APBA2: variants seen among roughly 807,000 people sequenced by gnomAD.
The protein encoded by APBA2 is amyloid-beta A4 precursor protein-binding family A member 2.
Under a neutral mutation model 75.0 loss-of-function variants are expected in APBA2, and 30 were observed. The ratio of observed to expected loss-of-function variants is 0.40; its 90% CI spans 0.30 to 0.54. The LOEUF is 0.54. APBA2 is among the 20% of genes least tolerant of loss of function. The pLI is 0.49. For missense variants in APBA2, 801 were observed against 1,016.1 expected (o/e 0.79, Z 2.88); for synonymous variants, 444 against 409.6 (o/e 1.08, Z -1.01).
intron 3 of APBA2, among the ~76,000 whole-genome samples, chr15:29,007,638 C>G (rs1291249308): frequency 2.6e-5 from 4 of 152,088 alleles, no homozygotes; most frequent in Non-Finnish European, 5.9e-5. Flanking sequence ...CTCAGCATCA[C>G]AAATCGTTAG....
chr15:29,101,723 C>T lies in APBA2; in HGVS notation c.1463C>T (p.Pro488Leu), dbSNP rs1346218459. The T allele has an allele frequency of 6.2e-7, 1 of 1,613,710 alleles. No individual in the cohort carries two copies. Among genetic ancestry groups the T allele is most frequent in the Non-Finnish European group, 8.5e-7 (1 of 1,180,046 alleles). The change falls in exon 10 of 15, where the codon CCC (proline) becomes CTC (leucine). Residue 488 changes from proline (P) to leucine (L), a missense_variant. Physicochemically the swap from Pro to Leu is moderately conservative, Grantham distance 98. Around this residue, in one of 2 missense-constraint regions of APBA2, gnomAD observed 367 missense variants for 544.5 expected, o/e 0.67. Coordinates refer to ENST00000683413, the MANE Select transcript of APBA2 (RefSeq NM_001353788.2). ...TCTCAGGACTGCATCGAGACCACGC[C>T]CGGGGCCCAGGAAGGCAAGAAGCAG... Reference protein sequence around the residue: ...SASQDCIETTPGAQEGKKQYK... With the variant: ...SASQDCIETTLGAQEGKKQYK...
intron 2 of APBA2, among the ~76,000 whole-genome samples, chr15:28,938,570 G>C (rs550893163): frequency 6.6e-6 from 1 of 152,286 alleles, no homozygotes; most frequent in Non-Finnish European, 1.5e-5. Flanking sequence ...GTGCAGGGGT[G>C]CAATCTTGGC....
intron 3 of APBA2, among the ~76,000 whole-genome samples, chr15:29,018,988 C>T (rs2039814493): frequency 6.6e-6 from 1 of 152,170 alleles, no homozygotes. Context: ...GCAGTAGAGA[C>T]TGGGGCATAG....
At chr15:28,950,670 T>C (rs929869413) in intron 2 of APBA2, among the ~76,000 whole-genome samples, 1 of 151,988 alleles carries the variant, frequency 6.6e-6, no homozygotes, top group Non-Finnish European at 1.5e-5. Context: ...CCACCTTCTT[T>C]CCATAGTCCT....
At chr15:28,929,677 C>T (rs976771355) in intron 2 of APBA2, among the ~76,000 whole-genome samples, 4 of 152,134 alleles carry the variant, frequency 2.6e-5, no homozygotes, top group African/African-American at 4.8e-5. Context: ...CATACCTGTC[C>T]CCCATTCTCA....
chr15:29,109,700 A>G (rs952060473), intron 13 of APBA2, among the ~76,000 whole-genome samples: 7 of 152,180 alleles, frequency 4.6e-5, no homozygotes, highest in African/African-American at 1.7e-4. Flanking sequence ...GCCCAGAACG[A>G]AGAGGGACAG....
intron 4 of APBA2, among the ~76,000 whole-genome samples, chr15:29,056,235 A>G (rs1274642512): frequency 6.6e-6 from 1 of 152,194 alleles, no homozygotes; most frequent in Non-Finnish European, 1.5e-5. Context: ...AATTTGGGTA[A>G]AAACACAGAG....
chr15:28,986,781 A>C (rs2152776417), intron 2 of APBA2, among the ~76,000 whole-genome samples: 1 of 152,212 alleles, frequency 6.6e-6, no homozygotes. Flanking sequence ...TCTTATTTTT[A>C]TGTTAGTCTT....
chr15:28,913,249 C>T (rs2033514845), intron 1 of APBA2, among the ~76,000 whole-genome samples: 1 of 152,204 alleles, frequency 6.6e-6, no homozygotes, highest in Admixed American at 6.5e-5. Context: ...ACACCAGGGC[C>T]TTCCCATCTG....
At chr15:29,063,945 G>C (rs992914594) in intron 4 of APBA2, among the ~76,000 whole-genome samples, 5 of 152,060 alleles carry the variant, frequency 3.3e-5, no homozygotes, top group Admixed American at 1.3e-4. Flanking sequence ...TGGGGGTGAG[G>C]TCGGGTAAGG....
chr15:28,990,384 C>T (rs1361498595), intron 2 of APBA2: 2 of 136,612 alleles, frequency 1.5e-5, no homozygotes, highest in Admixed American at 7.0e-5. Flanking sequence ...GCAACGGAAA[C>T]TCCGTCTTAA....
intron 6 of APBA2, among the ~76,000 whole-genome samples, chr15:29,084,092 T>C: frequency 6.6e-6 from 1 of 152,236 alleles, no homozygotes; most frequent in Admixed American, 6.5e-5. Context: ...TTGCTGTTTG[T>C]AGGTACAAAG....
intron 1 of APBA2, among the ~76,000 whole-genome samples, chr15:28,903,810 A>T (rs546590086): frequency 6.6e-6 from 1 of 152,130 alleles, no homozygotes; most frequent in Non-Finnish European, 1.5e-5. Context: ...GTGGTGGGCC[A>T]GTGGTGGGAA....
intron 2 of APBA2, among the ~76,000 whole-genome samples, chr15:28,930,858 G>A (rs1037712864): frequency 6.6e-6 from 1 of 152,200 alleles, no homozygotes; most frequent in Admixed American, 6.5e-5. Context: ...CCTCGGGAGT[G>A]CTCCTGGGCT....
At chr15:28,967,513 A>C (rs2036800668) in intron 2 of APBA2, among the ~76,000 whole-genome samples, 1 of 152,074 alleles carries the variant, frequency 6.6e-6, no homozygotes, top group Admixed American at 6.6e-5. Context: ...ATCTTGGCCC[A>C]CTGCAAGCTC....
intron 2 of APBA2, among the ~76,000 whole-genome samples, chr15:28,944,703 C>T (rs1278112352): frequency 6.6e-6 from 1 of 152,218 alleles, no homozygotes; most frequent in Non-Finnish European, 1.5e-5. Context: ...TGCAGAGATA[C>T]GTGCAGAGAG....
intron 2 of APBA2, among the ~76,000 whole-genome samples, chr15:28,964,539 G>A (rs984976899): frequency 6.7e-6 from 1 of 148,618 alleles, no homozygotes; most frequent in African/African-American, 2.5e-5. Context: ...CCAGGCTGTA[G>A]TGCAGTGGCA....
At chr15:29,004,647 G>A (rs16954986) in intron 3 of APBA2, among the ~76,000 whole-genome samples, 12,067 of 152,122 alleles carry the variant, frequency 0.079, 673 homozygotes, top group East Asian at 0.15. Flanking sequence ...TCGAACTCCA[G>A]TGTGCGCCGG....
intron 2 of APBA2, among the ~76,000 whole-genome samples, chr15:28,936,310 G>T (rs1017612905): frequency 6.6e-6 from 1 of 152,096 alleles, no homozygotes; most frequent in Non-Finnish European, 1.5e-5. Context: ...TCTGTGACCC[G>T]CCAGCCAGCT....
Sources: allele counts gnomAD v4.1 joint callset (sites outside exome capture counted in the v4.1 genomes callset), GRCh38; gene constraint gnomAD v4.1.1; regional missense constraint gnomAD v4.1.1; transcripts MANE v1.5; gene names NCBI Gene and HGNC (gene_info 2026-07-23, HGNC 2026-07-21).